DPYSL2: variants seen among roughly 807,000 people sequenced by gnomAD.
DPYSL2 encodes the protein dihydropyrimidinase like 2.
Under a neutral mutation model 69.9 loss-of-function variants are expected in DPYSL2, and 13 were observed. The ratio of observed to expected loss-of-function variants is 0.19; its 90% CI spans 0.12 to 0.30. DPYSL2 has a LOEUF of 0.30. Among genes scored for constraint, DPYSL2 ranks in the 10% least tolerant of loss-of-function variants. DPYSL2 has a pLI of 1.00. For missense variants in DPYSL2, 587 were observed against 918.9 expected (o/e 0.64, Z 4.67); for synonymous variants, 326 against 359.1 (o/e 0.91, Z 1.04).
rs1214813534 is a variant in DPYSL2, at chr8:26,627,752, A to G, written c.937-120A>G. The G allele has an allele frequency of 5.1e-6, 5 of 973,506 alleles. No homozygotes were observed. Among genetic ancestry groups the G allele is most frequent in the Non-Finnish European group, 7.8e-6 (5 of 639,910 alleles). 60.3% of individuals were successfully genotyped at this position (973,506 alleles called of 1,614,324 possible). ...CTTCATGAGGTCTTGGGATGAGGGC[A>G]GAACGATCGGCAGTGGTAATTTTCC... On this transcript the variant is annotated intron_variant, in intron 6 of 13. Coordinates refer to ENST00000521913, the MANE Select transcript of DPYSL2 (RefSeq NM_001197293.3). This position sits in a 1 kb window ranked among gnomAD's most constrained non-coding sequence, Gnocchi z 6.9.
rs541726224 is a variant in DPYSL2 at position 26,642,538 on chromosome 8, C to T, written c.1127-901C>T. On this transcript the variant is annotated intron_variant, in intron 8 of 13. Coordinates refer to ENST00000521913, the MANE Select transcript of DPYSL2 (RefSeq NM_001197293.3). This position sits in a 1 kb window ranked among gnomAD's most constrained non-coding sequence, Gnocchi z 5.3. ...TAGGAAGCGGGGTTGGGAGAGCAAA[C>T]GTAAATCTAAGGTCCAATTGGGAGG... Among the ~76,000 whole-genome samples, 36 of 152,196 alleles carry T rather than the reference C, an allele frequency of 2.4e-4. No homozygotes were observed. In the South Asian group the frequency reaches 4.1e-3, roughly 18 times the overall value.
At chr8:26,574,435 C>G (rs1304549230) in intron 1 of DPYSL2, among the ~76,000 whole-genome samples, 1 of 152,150 alleles carries the variant, frequency 6.6e-6, no homozygotes, top group African/African-American at 2.4e-5. Context: ...CAGGCAGATC[C>G]TCCCTTCCTG....
intron 1 of DPYSL2, among the ~76,000 whole-genome samples, chr8:26,555,489 A>G (rs1226257783): frequency 6.6e-6 from 1 of 152,192 alleles, no homozygotes; most frequent in Non-Finnish European, 1.5e-5. Flanking sequence ...TTAAAAACAT[A>G]CTATTGTTTA....
intron 1 of DPYSL2, chr8:26,577,951 G>C: frequency 8.0e-7 from 1 of 1,247,368 alleles, no homozygotes. Flanking sequence ...TTTTATTGCT[G>C]TAGTTTATTT....
At chr8:26,594,236 A>G (rs765023298) in intron 3 of DPYSL2, among the ~76,000 whole-genome samples, 3 of 152,160 alleles carry the variant, frequency 2.0e-5, no homozygotes, top group Non-Finnish European at 4.4e-5. Flanking sequence ...TTTGTGCCAT[A>G]CTATTTGAAA....
intron 1 of DPYSL2, among the ~76,000 whole-genome samples, chr8:26,574,835 C>G (rs1417259801): frequency 1.3e-5 from 2 of 152,210 alleles, no homozygotes; most frequent in African/African-American, 2.4e-5. Context: ...CCTCAGCCTC[C>G]CAGCCTCAAC....
rs1801413437 is a variant in DPYSL2, at chr8:26,578,595, CG to C, written c.355-3370del. ...TGAGAGATGCTGCAGCGTCGGCCCG[CG>C]GGGTGCAAGCAAATGGATGCCAGAT... On this transcript the variant is annotated intron_variant, in intron 1 of 13. Transcript: ENST00000521913. The C allele has an allele frequency of 2.4e-6, 3 of 1,269,054 alleles. No homozygotes were observed. The African/African-American group carries it at 4.6e-5, about 19-fold the overall frequency. 78.6% of individuals were successfully genotyped at this position (1,269,054 alleles called of 1,614,324 possible). A position where few individuals can be genotyped will look rare whatever the true frequency, so the allele number is the denominator to read the frequency against.
At position 26,565,450 on chromosome 8, in the gene DPYSL2, G is replaced by C. The variant is rs1411919376; in HGVS notation, c.355-16519G>C. 2.0e-5 allele frequency among the ~76,000 whole-genome samples: 3 copies of C among 152,134 alleles called. No individual in the cohort carries two copies. The highest frequency in any genetic ancestry group is 7.2e-5 in the African/African-American group (3 of 41,420). On this transcript the variant is annotated intron_variant, in intron 1 of 13. Transcript: ENST00000521913. The surrounding 1 kb of genome is among the most constrained non-coding windows in gnomAD (Gnocchi z 4.1). Reference sequence around the variant, plus strand: ...GGAAATGGACCATGGGGGCCCAGCTGTGAATGAAGAGGTTGACTCATCACA... The same window carrying C: ...GGAAATGGACCATGGGGGCCCAGCTCTGAATGAAGAGGTTGACTCATCACA...
In DPYSL2 at chr8:26,586,300, C is replaced by T. The variant is rs775082846; in HGVS notation, c.628+2317C>T. Among the ~76,000 whole-genome samples, 5 of 152,086 alleles carry T rather than the reference C, an allele frequency of 3.3e-5. No individual in the cohort carries two copies. Among genetic ancestry groups the T allele is most frequent in the Admixed American group, 6.5e-5 (1 of 15,268 alleles). On this transcript the variant is annotated intron_variant, in intron 3 of 13. Coordinates refer to ENST00000521913, the MANE Select transcript of DPYSL2 (RefSeq NM_001197293.3). The surrounding 1 kb of genome is among the most constrained non-coding windows in gnomAD (Gnocchi z 4.7). Reference sequence around the variant, plus strand: ...CAGTGAGGGATTTGTGCTACATGACCCTGGAAGTCCTTTCCAGCCCCCTAC... The same window carrying T: ...CAGTGAGGGATTTGTGCTACATGACTCTGGAAGTCCTTTCCAGCCCCCTAC...
At chr8:26,638,613 G>T (rs879517437) in intron 8 of DPYSL2, among the ~76,000 whole-genome samples, 1 of 152,234 alleles carries the variant, frequency 6.6e-6, no homozygotes, top group South Asian at 2.1e-4. Context: ...GGCGTGTTCA[G>T]CCGGGGAGTG....
intron 1 of DPYSL2, among the ~76,000 whole-genome samples, chr8:26,557,692 G>A (rs1271986007): frequency 6.6e-6 from 1 of 150,444 alleles, no homozygotes; most frequent in Non-Finnish European, 1.5e-5. Flanking sequence ...AGGAGCCTGA[G>A]GCATGTGAAT....
Position 26,650,353 on chromosome 8 carries a change from A to G in DPYSL2, c.1597-1904A>G, listed in dbSNP as rs1336946452. On this transcript the variant is annotated intron_variant, in intron 11 of 13. Transcript: ENST00000521913. This position sits in a 1 kb window ranked among gnomAD's most constrained non-coding sequence, Gnocchi z 5.3. ...CAGTAGGGCACAAGAGGAGGTTGTC[A>G]GGGCATAAACTGTTAGCTGTGGAGT... Among the ~76,000 whole-genome samples the G allele has an allele frequency of 6.6e-6, 1 of 152,212 alleles. No homozygotes were observed. Among genetic ancestry groups the G allele is most frequent in the Non-Finnish European group, 1.5e-5 (1 of 68,044 alleles).
Position 26,552,985 on chromosome 8 carries a change from C to T in DPYSL2, c.355-28984C>T, listed in dbSNP as rs1050485098. Among the ~76,000 whole-genome samples, 3 of 152,134 alleles carry T rather than the reference C, an allele frequency of 2.0e-5. No homozygotes were observed. In the South Asian group the frequency reaches 6.2e-4, roughly 32 times the overall value. ...TGAAAGACAGGCCATCACTGCTGAT[C>T]CCATGGACATGAAAAGGGTAATAAA... On this transcript the variant is annotated intron_variant, in intron 1 of 13. Coordinates refer to ENST00000521913, the MANE Select transcript of DPYSL2 (RefSeq NM_001197293.3).
intron 3 of DPYSL2, among the ~76,000 whole-genome samples, chr8:26,595,214 C>T (rs1161869320): frequency 6.6e-6 from 1 of 151,416 alleles, no homozygotes; most frequent in African/African-American, 2.4e-5. Flanking sequence ...CAGTGAGACC[C>T]CATCTTAAAA....
rs1467832977 is a variant in DPYSL2, at chr8:26,619,067, C to G, written c.629-5076C>G. On this transcript the variant is annotated intron_variant, in intron 3 of 13. Coordinates refer to ENST00000521913, the MANE Select transcript of DPYSL2 (RefSeq NM_001197293.3). The surrounding 1 kb of genome is among the most constrained non-coding windows in gnomAD (Gnocchi z 4.8). The stretch of plus-strand genomic sequence containing the variant: ...ATTTGGGGGCTCCTTGACCCCCAAG[C>G]CTATTCTCTTTTCACTGCTGGTATA... Among the ~76,000 whole-genome samples the G allele has an allele frequency of 6.6e-6, 1 of 152,146 alleles. No homozygotes were observed. Among genetic ancestry groups the G allele is most frequent in the Non-Finnish European group, 1.5e-5 (1 of 68,014 alleles).
chr8:26,521,183 A>G (rs756192677), intron 1 of DPYSL2, among the ~76,000 whole-genome samples: 1 of 152,202 alleles, frequency 6.6e-6, no homozygotes, highest in Non-Finnish European at 1.5e-5. Context: ...ACCTAGTACC[A>G]TAGGTACTGC....
rs529180872 is a variant in DPYSL2, at chr8:26,647,968, T to C, written c.1596+168T>C. Among the ~76,000 whole-genome samples, 3 of 152,346 alleles carry C rather than the reference T, an allele frequency of 2.0e-5. No individual in the cohort carries two copies. The East Asian group carries it at 5.8e-4, about 29-fold the overall frequency. On this transcript the variant is annotated intron_variant, in intron 11 of 13. Transcript: ENST00000521913. The surrounding 1 kb of genome is among the most constrained non-coding windows in gnomAD (Gnocchi z 5.1). ...CTGGGAAAAGAATAGTTATTTCATT[T>C]TCTTTAGTGAGGTCAATAAGATTGT...
At position 26,644,873 on chromosome 8, in the gene DPYSL2, T is replaced by G. The variant is rs1803127080; in HGVS notation, c.1425+782T>G. 1.3e-5 allele frequency among the ~76,000 whole-genome samples: 2 copies of G among 152,230 alleles called. No homozygotes were observed. The highest frequency in any genetic ancestry group is 1.3e-4 in the Admixed American group (2 of 15,278). On this transcript the variant is annotated intron_variant, in intron 10 of 13. Transcript: ENST00000521913. The surrounding 1 kb of genome is among the most constrained non-coding windows in gnomAD (Gnocchi z 4.5). ...ACCTTTAGAGGATCTTTGGGCTTTT[T>G]CATTTTAATGTTTTAAAATATATTA... is the stretch of plus-strand genomic sequence containing the variant.
chr8:26,651,853 T>C (rs1803286066), intron 11 of DPYSL2, among the ~76,000 whole-genome samples: 1 of 152,290 alleles, frequency 6.6e-6, no homozygotes, highest in African/African-American at 2.4e-5. Flanking sequence ...GAAAACCTAC[T>C]TGTGGATGGC....
Sources: gnomAD v4.1 joint callset for allele counts (sites outside exome capture counted in the v4.1 genomes callset) on GRCh38, gnomAD v4.1.1 for gene constraint, Gnocchi (gnomAD v3.1) non-coding constraint, MANE v1.5 for transcripts, NCBI Gene and HGNC (gene_info 2026-07-23, HGNC 2026-07-21) for gene names.